LRRC1: variants seen among roughly 807,000 people sequenced by gnomAD.
LRRC1 encodes leucine-rich repeat-containing protein 1.
LRRC1 carries 28 observed loss-of-function variants against 69.9 expected under a neutral mutation model. That is an observed-to-expected ratio of 0.40 (90% confidence interval 0.30 to 0.55). The LOEUF (loss-of-function observed/expected upper bound fraction) is 0.55. Ranked by LOEUF, LRRC1 falls within the 20% of genes least tolerant of loss-of-function variation. The probability of loss-of-function intolerance (pLI) is 0.47; values close to 1 mark genes in which losing one functional copy is unlikely to be tolerated. For synonymous variants in LRRC1, 236 were observed against 240.2 expected, an observed-to-expected ratio of 0.98 and a Z score of 0.16; for missense variants, 498 against 609.0, an observed-to-expected ratio of 0.82 and a Z score of 1.92.
At chr6:53,795,837 G>A (rs1189260054) in intron 1 of LRRC1, among the ~76,000 whole-genome samples, 1 of 152,184 alleles carries the variant, frequency 6.6e-6, no homozygotes, top group African/African-American at 2.4e-5. Flanking sequence ...GGCCGGGCGC[G>A]CCTCTCCTTT....
chr6:53,800,382 G>A (rs1338390192), intron 1 of LRRC1, among the ~76,000 whole-genome samples: 1 of 149,774 alleles, frequency 6.7e-6, no homozygotes, highest in African/African-American at 2.5e-5. Flanking sequence ...TCTCGAGTAA[G>A]CTGGGATTAC....
At position 53,795,295 on chromosome 6, in the gene LRRC1, T is replaced by G. The variant is rs1354766786; in HGVS notation, c.39T>G (p.His13Gln). The G allele has an allele frequency of 2.5e-6, 4 of 1,612,768 alleles. No individual in the cohort carries two copies. Among genetic ancestry groups the G allele is most frequent in the Non-Finnish European group, 3.4e-6 (4 of 1,179,834 alleles). The change falls in exon 1 of 14, where the codon CAT (histidine) becomes CAG (glutamine). Residue 13 changes from histidine (H) to glutamine (Q), a missense_variant. This residue lies in a region of LRRC1 where 70 missense variants were observed against 62.1 expected (regional missense o/e 1.13). Transcript: ENST00000370888. ...HCIPLWRCNR[H>Q]VESIDKRHCS... is the part of the protein sequence containing the mutation. ...TCCCCCTGTGGCGGTGCAACCGTCA[T>G]GTGGAGAGCATCGACAAGCGCCACT...
intron 7 of LRRC1, among the ~76,000 whole-genome samples, chr6:53,897,661 T>C (rs1767919891): frequency 6.6e-6 from 1 of 152,210 alleles, no homozygotes; most frequent in Admixed American, 6.5e-5. Context: ...GATTAGTAAA[T>C]TGCCAGGACC....
intron 4 of LRRC1, among the ~76,000 whole-genome samples, chr6:53,887,369 A>G (rs902049917): frequency 2.6e-5 from 4 of 151,952 alleles, no homozygotes; most frequent in African/African-American, 7.3e-5. Context: ...TCCAACATTT[A>G]TTTTCCTGCC....
chr6:53,869,886 A>G (rs1372698320), intron 2 of LRRC1, among the ~76,000 whole-genome samples: 1 of 152,230 alleles, frequency 6.6e-6, no homozygotes, highest in East Asian at 1.9e-4. Flanking sequence ...CAGGGTAAGC[A>G]ACTTGCTTAA....
At chr6:53,919,229 C>CTCTTTTTTTTTTTTTTTTTT (rs1467923075) in intron 11 of LRRC1, 1 of 72,272 alleles carries the variant, frequency 1.4e-5, no homozygotes, top group Non-Finnish European at 2.6e-5. Context: ...TTTTCTCTCT[C>CTCTTTTTTTTTTTTTTTTTT]TTTTTTTTTT....
intron 4 of LRRC1, among the ~76,000 whole-genome samples, chr6:53,886,100 A>G (rs1448101132): frequency 6.6e-6 from 1 of 152,318 alleles, no homozygotes; most frequent in East Asian, 1.9e-4. Flanking sequence ...TATAAGTGGA[A>G]AGAATGCATA....
At chr6:53,914,523 T>C (rs561467009) in intron 11 of LRRC1, among the ~76,000 whole-genome samples, 1 of 152,336 alleles carries the variant, frequency 6.6e-6, no homozygotes, top group East Asian at 1.9e-4. Flanking sequence ...GCCGCCAGAC[T>C]AGTATCCCCA....
At chr6:53,845,182 C>T (rs148261100) in intron 2 of LRRC1, among the ~76,000 whole-genome samples, 231 of 152,236 alleles carry the variant, frequency 1.5e-3, no homozygotes, top group African/African-American at 5.3e-3. Flanking sequence ...CCAGCCTAGG[C>T]GACAGAGCAA....
At chr6:53,883,087 A>G (rs1430869257) in intron 4 of LRRC1, 111 bp downstream of exon 4, 1 of 666,042 alleles carries the variant, frequency 1.5e-6, no homozygotes, top group African/African-American at 1.9e-5. Flanking sequence ...AAAGCCATTT[A>G]CTCATTCTTT....
intron 1 of LRRC1, among the ~76,000 whole-genome samples, chr6:53,828,072 T>C (rs1462236714): frequency 6.6e-6 from 1 of 151,240 alleles, no homozygotes; most frequent in Non-Finnish European, 1.5e-5. Flanking sequence ...AATGGTCCTA[T>C]GCATGTGGAA....
chr6:53,903,128 G>A (rs1768115017), intron 9 of LRRC1, among the ~76,000 whole-genome samples: 3 of 152,176 alleles, frequency 2.0e-5, no homozygotes, highest in African/African-American at 7.2e-5. Context: ...TGAGCAAATG[G>A]GAAGAGCAGG....
chr6:53,856,950 G>A (rs1314227554), intron 2 of LRRC1, among the ~76,000 whole-genome samples: 1 of 152,192 alleles, frequency 6.6e-6, no homozygotes, highest in Admixed American at 6.5e-5. Flanking sequence ...GAGGTTTTGG[G>A]TCTGGATAAG....
At chr6:53,898,222 A>G (rs573747395) in intron 7 of LRRC1, among the ~76,000 whole-genome samples, 2 of 152,330 alleles carry the variant, frequency 1.3e-5, no homozygotes, top group African/African-American at 4.8e-5. Context: ...TAATGGAACT[A>G]AGGAACTAAT....
chr6:53,859,164 T>C (rs1766414742), intron 2 of LRRC1, among the ~76,000 whole-genome samples: 1 of 152,144 alleles, frequency 6.6e-6, no homozygotes, highest in Non-Finnish European at 1.5e-5. Context: ...AAAGGGAAGA[T>C]AGAGAAAAAT....
At position 53,805,822 on chromosome 6, in the gene LRRC1, G is replaced by A. The variant is rs532526280; in HGVS notation, c.159+10407G>A. On this transcript the variant is annotated intron_variant, in intron 1 of 13. Coordinates refer to ENST00000370888, the MANE Select transcript of LRRC1 (RefSeq NM_018214.5). ...CCTTCACATCCTTTCTCAATACTTG[G>A]TCAGAATGATCTTTCTAAGACACAG... is the stretch of plus-strand genomic sequence containing the variant. Among the ~76,000 whole-genome samples, 10 of 152,206 alleles carry A rather than the reference G, an allele frequency of 6.6e-5. No homozygotes were observed. The South Asian group carries it at 2.1e-3, about 32-fold the overall frequency.
intron 8 of LRRC1, among the ~76,000 whole-genome samples, chr6:53,900,404 A>T (rs1319187901): frequency 6.6e-6 from 1 of 152,196 alleles, no homozygotes; most frequent in Non-Finnish European, 1.5e-5. Flanking sequence ...CTACATGCAG[A>T]TGTTTCTGTC....
intron 1 of LRRC1, among the ~76,000 whole-genome samples, chr6:53,809,036 A>T (rs1035805723): frequency 6.6e-6 from 1 of 152,168 alleles, no homozygotes; most frequent in Non-Finnish European, 1.5e-5. Context: ...TACATACTTA[A>T]AGTCAAAGCA....
At chr6:53,890,260 A>G (rs1435183794) in intron 4 of LRRC1, among the ~76,000 whole-genome samples, 1 of 152,240 alleles carries the variant, frequency 6.6e-6, no homozygotes, top group Non-Finnish European at 1.5e-5. Context: ...TTAGAGGAGA[A>G]GGAATATATG....
Sources: gnomAD v4.1 joint callset for allele counts (sites outside exome capture counted in the v4.1 genomes callset) on GRCh38, gnomAD v4.1.1 for gene constraint, gnomAD v4.1.1 regional missense constraint, MANE v1.5 for transcripts, NCBI Gene and HGNC (gene_info 2026-07-23, HGNC 2026-07-21) for gene names.